The following SYN2 variants were observed in gnomAD, a reference collection of about 807,000 sequenced individuals.
SYN2 encodes synapsin-2.
Under a neutral mutation model 50.9 loss-of-function variants are expected in SYN2, and 19 were observed. The ratio of observed to expected loss-of-function variants is 0.37; its 90% CI spans 0.26 to 0.55. SYN2 has a LOEUF of 0.55. Among genes scored for constraint, SYN2 ranks in the 20% least tolerant of loss-of-function variants. The pLI, the probability that SYN2 is intolerant of heterozygous loss-of-function variation, is 0.81. For synonymous variants in SYN2, 255 were observed against 224.9 expected, an observed-to-expected ratio of 1.13 and a Z score of -1.20; for missense variants, 587 against 576.4, an observed-to-expected ratio of 1.02 and a Z score of -0.19.
chr3:12,088,990 G>T (rs78052305), intron 1 of SYN2, among the ~76,000 whole-genome samples: 7,231 of 152,190 alleles, frequency 0.048, 232 homozygotes, highest in Middle Eastern at 0.11. Flanking sequence ...ATGATGTATT[G>T]TCTACCTCAA....
rs545065037 is a variant in SYN2, at chr3:12,017,406, C to T, written c.377+12478C>T. The stretch of plus-strand genomic sequence containing the variant: ...GCTCACAGTGAATTCGGAATTTGTA[C>T]CCAGGGAGTCCAGCTCCAGAGTTCA... On this transcript the variant is annotated intron_variant, in intron 1 of 12. Coordinates refer to ENST00000621198, the MANE Select transcript of SYN2 (RefSeq NM_133625.6). Among the ~76,000 whole-genome samples, 3 of 152,226 alleles carry T rather than the reference C, an allele frequency of 2.0e-5. No individual in the cohort carries two copies. The South Asian group carries it at 6.2e-4, about 32-fold the overall frequency.
intron 1 of SYN2, among the ~76,000 whole-genome samples, chr3:12,113,700 A>G (rs1320098481): frequency 1.3e-5 from 2 of 152,110 alleles, no homozygotes; most frequent in East Asian, 1.9e-4. Context: ...AAATCACACA[A>G]TGTACTAGTT....
chr3:12,024,096 A>G (rs1253490457), intron 1 of SYN2, among the ~76,000 whole-genome samples: 2 of 151,096 alleles, frequency 1.3e-5, no homozygotes, highest in African/African-American at 2.4e-5. Context: ...CCAAGATGAG[A>G]TATGCATGCA....
intron 5 of SYN2, among the ~76,000 whole-genome samples, chr3:12,159,726 C>T (rs1697591927): frequency 6.6e-6 from 1 of 152,090 alleles, no homozygotes; most frequent in Admixed American, 6.5e-5. Context: ...CTGTCATGTT[C>T]TAGAAGGTGG....
Position 12,145,708 on chromosome 3 carries a change from G to T in SYN2, c.557G>T (p.Arg186Leu), listed in dbSNP as rs765461254. The T allele has an allele frequency of 1.9e-6, 3 of 1,614,010 alleles. No homozygotes were observed. Among genetic ancestry groups the T allele is most frequent in the South Asian group, 1.1e-5 (1 of 91,080 alleles). Residue 186 changes from arginine (R) to leucine (L), a missense_variant, in exon 4 of 13, where the codon CGG (arginine) becomes CTG (leucine). Coordinates refer to ENST00000621198, the MANE Select transcript of SYN2 (RefSeq NM_133625.6). Reference protein sequence around the residue: ...RSFRPDFVLIRQHAFGMAENE... With the variant: ...RSFRPDFVLILQHAFGMAENE... ...TTCCGGCCAGACTTCGTGCTCATCC[G>T]GCAGCATGCATTTGGCATGGCGGAG...
intron 1 of SYN2, among the ~76,000 whole-genome samples, chr3:12,137,582 T>C (rs1696921875): frequency 6.6e-6 from 1 of 152,188 alleles, no homozygotes; most frequent in South Asian, 2.1e-4. Flanking sequence ...TGCCAATACA[T>C]GTTTACCAAT....
chr3:12,147,954 T>C (rs1261081673), intron 4 of SYN2, among the ~76,000 whole-genome samples: 1 of 147,738 alleles, frequency 6.8e-6, no homozygotes, highest in Non-Finnish European at 1.5e-5. Context: ...CTACTAAAAA[T>C]ACAAAAAAAA....
chr3:12,089,788 G>C (rs1695786055), intron 1 of SYN2, among the ~76,000 whole-genome samples: 1 of 152,180 alleles, frequency 6.6e-6, no homozygotes, highest in Non-Finnish European at 1.5e-5. Flanking sequence ...GAGTCAGAGA[G>C]AGTACAGAAA....
chr3:12,090,528 C>G (rs1695804203), intron 1 of SYN2, among the ~76,000 whole-genome samples: 1 of 152,142 alleles, frequency 6.6e-6, no homozygotes, highest in South Asian at 2.1e-4. Context: ...AATGAGTTCA[C>G]TCCTCTGTGC....
intron 1 of SYN2, among the ~76,000 whole-genome samples, chr3:12,013,493 T>A (rs1693960059): frequency 6.6e-6 from 1 of 152,190 alleles, no homozygotes; most frequent in African/African-American, 2.4e-5. Context: ...AACTTTGTCC[T>A]CATCTTTAGA....
intron 1 of SYN2, among the ~76,000 whole-genome samples, chr3:12,096,292 G>GAGT (rs1695931977): frequency 6.6e-6 from 1 of 152,078 alleles, no homozygotes; most frequent in African/African-American, 2.4e-5. Context: ...AAACTTGATA[G>GAGT]GGCATGTATG....
chr3:12,123,984 C>T (rs1395745835), intron 1 of SYN2, among the ~76,000 whole-genome samples: 1 of 152,042 alleles, frequency 6.6e-6, no homozygotes, highest in Non-Finnish European at 1.5e-5. Flanking sequence ...ACACTCCAGC[C>T]TGGCAGACAG....
chr3:12,024,001 A>G (rs1276411886), intron 1 of SYN2, among the ~76,000 whole-genome samples: 2 of 152,128 alleles, frequency 1.3e-5, no homozygotes, highest in African/African-American at 4.8e-5. Context: ...TAAAAAATCA[A>G]AGTATAAAAC....
intron 1 of SYN2, among the ~76,000 whole-genome samples, chr3:12,098,870 T>C (rs1315515523): frequency 6.8e-6 from 1 of 147,918 alleles, no homozygotes; most frequent in Non-Finnish European, 1.5e-5. Flanking sequence ...TATATATATA[T>C]ATATATATAT....
chr3:12,070,142 G>A (rs71304083), intron 1 of SYN2: 29,867 of 298,386 alleles, frequency 0.1, 1,768 homozygotes, highest in East Asian at 0.17. Context: ...GGTTAATGAC[G>A]TTGAGTATCA....
intron 1 of SYN2, among the ~76,000 whole-genome samples, chr3:12,043,990 A>G (rs1694677323): frequency 6.6e-6 from 1 of 152,144 alleles, no homozygotes; most frequent in Admixed American, 6.5e-5. Flanking sequence ...GTCCAGGTAT[A>G]TTGTAGGTCT....
chr3:12,014,680 C>T (rs1186013618), intron 1 of SYN2, among the ~76,000 whole-genome samples: 2 of 152,188 alleles, frequency 1.3e-5, no homozygotes, highest in South Asian at 2.1e-4. Flanking sequence ...ACTCCAACCT[C>T]AGGCCACCCA....
intron 8 of SYN2, 28 bp downstream of exon 8, chr3:12,167,336 C>T (rs368638032): frequency 1.9e-4 from 300 of 1,600,038 alleles, no homozygotes; most frequent in Middle Eastern, 1.7e-3. Flanking sequence ...GTCCAGTTTC[C>T]AGCCCAGTGA....
intron 1 of SYN2, among the ~76,000 whole-genome samples, chr3:12,033,308 A>T (rs1007327348): frequency 4.6e-5 from 7 of 152,036 alleles, no homozygotes; most frequent in Admixed American, 1.3e-4. Flanking sequence ...TGCAGAAATC[A>T]CCCGTCTTCT....
Sources: allele counts gnomAD v4.1 joint callset (sites outside exome capture counted in the v4.1 genomes callset), GRCh38; gene constraint gnomAD v4.1.1; transcripts MANE v1.5; gene names NCBI Gene and HGNC (gene_info 2026-07-23, HGNC 2026-07-21).